The following GNAQ variants were observed in gnomAD, a reference collection of about 807,000 sequenced individuals.
The protein encoded by GNAQ is G protein subunit alpha q, also known as guanine nucleotide-binding protein G(q) subunit alpha.
Under a neutral mutation model 43.9 loss-of-function variants are expected in GNAQ, and 8 were observed. The observed-to-expected ratio is 0.18, with a 90% confidence interval of 0.11 to 0.33. GNAQ has a LOEUF of 0.33. Among genes scored for constraint, GNAQ ranks in the 10% least tolerant of loss-of-function variants. The pLI is 1.00. For missense variants in GNAQ, 158 were observed against 450.8 expected, an observed-to-expected ratio of 0.35 and a Z score of 5.88; for synonymous variants, 155 against 170.7, an observed-to-expected ratio of 0.91 and a Z score of 0.71.
intron 1 of GNAQ, among the ~76,000 whole-genome samples, chr9:77,938,032 G>T (rs985011104): frequency 6.6e-6 from 1 of 151,980 alleles, no homozygotes; most frequent in Non-Finnish European, 1.5e-5. Flanking sequence ...CCCCTCCACC[G>T]ATACCAAAAT....
intron 1 of GNAQ, among the ~76,000 whole-genome samples, chr9:77,971,945 C>T (rs1187616863): frequency 6.6e-6 from 1 of 151,904 alleles, no homozygotes; most frequent in African/African-American, 2.4e-5. Context: ...CATGACTTGA[C>T]TCTCTGTTTG....
At chr9:77,849,763 C>T (rs1173554046) in intron 2 of GNAQ, among the ~76,000 whole-genome samples, 1 of 152,130 alleles carries the variant, frequency 6.6e-6, no homozygotes, top group East Asian at 1.9e-4. Context: ...ACCTCCTAGG[C>T]TCAAGCGATC....
At position 77,720,126 on chromosome 9, in the gene GNAQ, C is replaced by G. The variant is rs1564090275; in HGVS notation, c.*1197G>C. On this transcript the variant is annotated 3_prime_UTR_variant, in exon 7 of 7. Coordinates refer to ENST00000286548, the MANE Select transcript of GNAQ (RefSeq NM_002072.5). ...ACTGAACATGGGACGTGAACACTAA[C>G]AATGTCATCTTAAGGACAAAGAAAA... is the stretch of plus-strand genomic sequence containing the variant. 2 of 232,756 alleles carry G rather than the reference C, an allele frequency of 8.6e-6. No homozygotes were observed. Among genetic ancestry groups the G allele is most frequent in the Non-Finnish European group, 1.7e-5 (2 of 117,802 alleles). 14.4% of individuals were successfully genotyped at this position (232,756 alleles called of 1,614,324 possible). A position where few individuals can be genotyped will look rare whatever the true frequency, so the allele number is the denominator to read the frequency against.
chr9:78,000,510 G>C (rs1823630429), intron 1 of GNAQ, among the ~76,000 whole-genome samples: 1 of 152,120 alleles, frequency 6.6e-6, no homozygotes, highest in South Asian at 2.1e-4. Context: ...CTGTAATAAA[G>C]AAAGCTTGTC....
Position 77,721,199 on chromosome 9 carries a change from A to G in GNAQ, c.*124T>C, listed in dbSNP as rs1825305252. On this transcript the variant is annotated 3_prime_UTR_variant, in exon 7 of 7. Transcript: ENST00000286548. ...TACTACAAACTCTGTGGACACGCTC[A>G]CACAGAGTCCAGGACGGCAATAAAT... is the stretch of plus-strand genomic sequence containing the variant. 1.6e-6 allele frequency: 1 copy of G among 610,648 alleles called. No homozygotes were observed. The highest frequency in any genetic ancestry group is 2.9e-6 in the Non-Finnish European group (1 of 344,792). The allele number at this position is 610,648 out of a possible 1,614,324, so 37.8% of individuals were successfully genotyped here.
chr9:77,923,623 A>G (rs542505421), intron 1 of GNAQ, among the ~76,000 whole-genome samples: 45 of 152,178 alleles, frequency 3.0e-4, no homozygotes, highest in South Asian at 1.2e-3. Flanking sequence ...CTCCAAAACA[A>G]TAACTGTCTT....
chr9:77,953,793 A>G (rs1476196412), intron 1 of GNAQ, among the ~76,000 whole-genome samples: 1 of 152,226 alleles, frequency 6.6e-6, no homozygotes, highest in Non-Finnish European at 1.5e-5. Flanking sequence ...TAAATCAAAT[A>G]CAGCTGCTGG....
chr9:77,832,054 A>C (rs1411824389), intron 2 of GNAQ, among the ~76,000 whole-genome samples: 1 of 150,836 alleles, frequency 6.6e-6, no homozygotes, highest in Non-Finnish European at 1.5e-5. Flanking sequence ...TAGCACATGT[A>C]GGTCAAAGAC....
At chr9:77,910,534 C>T (rs747230108) in intron 2 of GNAQ, among the ~76,000 whole-genome samples, 14 of 152,126 alleles carry the variant, frequency 9.2e-5, no homozygotes, top group Non-Finnish European at 1.5e-4. Context: ...GGTCATTCTG[C>T]GCAGGTTTGT....
chr9:77,816,060 A>G (rs1404907522), intron 2 of GNAQ, among the ~76,000 whole-genome samples: 1 of 152,198 alleles, frequency 6.6e-6, no homozygotes, highest in African/African-American at 2.4e-5. Context: ...TTATGCTTAC[A>G]CATACCACTA....
chr9:77,759,057 TGAATATGTAC>T (rs1825948943), intron 5 of GNAQ, among the ~76,000 whole-genome samples: 1 of 152,198 alleles, frequency 6.6e-6, no homozygotes, highest in Non-Finnish European at 1.5e-5. Context: ...TTAAACAATT[TGAATATGTAC>T]GAGTCTCTAA....
intron 5 of GNAQ, among the ~76,000 whole-genome samples, chr9:77,757,493 T>C (rs1825922870): frequency 6.6e-6 from 1 of 152,202 alleles, no homozygotes; most frequent in Admixed American, 6.5e-5. Context: ...TGCTTCCTGT[T>C]AGAAAGAAAA....
chr9:77,755,267 CA>C (rs1825883238), intron 5 of GNAQ, among the ~76,000 whole-genome samples: 2 of 151,172 alleles, frequency 1.3e-5, no homozygotes, highest in South Asian at 4.2e-4. Context: ...TTAATGGGTA[CA>C]AAAATATAGT....
chr9:77,953,241 G>A (rs1319944525), intron 1 of GNAQ, among the ~76,000 whole-genome samples: 3 of 152,204 alleles, frequency 2.0e-5, no homozygotes, highest in African/African-American at 7.2e-5. Flanking sequence ...CCCAGGAAAT[G>A]TAGGACCAGG....
At chr9:77,802,784 G>A (rs1451060146) in intron 3 of GNAQ, among the ~76,000 whole-genome samples, 1 of 152,110 alleles carries the variant, frequency 6.6e-6, no homozygotes, top group East Asian at 1.9e-4. Flanking sequence ...TTTTACATAA[G>A]GCTTGTTAAG....
At chr9:77,932,216 C>A (rs1396390698) in intron 1 of GNAQ, among the ~76,000 whole-genome samples, 1 of 152,136 alleles carries the variant, frequency 6.6e-6, no homozygotes, top group East Asian at 1.9e-4. Context: ...CCATCACCAG[C>A]ATTTCAGTAT....
intron 1 of GNAQ, among the ~76,000 whole-genome samples, chr9:78,026,564 C>G (rs1261888757): frequency 6.6e-6 from 1 of 152,080 alleles, no homozygotes; most frequent in East Asian, 1.9e-4. Context: ...TTTTAGGGAG[C>G]TGCTGTTATT....
chr9:77,833,319 T>C (rs1204170100), intron 2 of GNAQ, among the ~76,000 whole-genome samples: 1 of 152,158 alleles, frequency 6.6e-6, no homozygotes, highest in Non-Finnish European at 1.5e-5. Context: ...CCCCAAAGGG[T>C]AGTAGCACCT....
chr9:77,832,148 A>C (rs555431218), intron 2 of GNAQ, among the ~76,000 whole-genome samples: 15 of 151,562 alleles, frequency 9.9e-5, no homozygotes, highest in Non-Finnish European at 2.1e-4. Context: ...TACCCATCAC[A>C]TACAACTCTT....
Sources: gnomAD v4.1 joint callset for allele counts (sites outside exome capture counted in the v4.1 genomes callset) on GRCh38, gnomAD v4.1.1 for gene constraint, MANE v1.5 for transcripts, NCBI Gene and HGNC (gene_info 2026-07-23, HGNC 2026-07-21) for gene names.